The following PCDH9 variants were observed in gnomAD, a reference collection of about 807,000 sequenced individuals.
PCDH9 encodes the protein protocadherin-9.
In PCDH9, 24 loss-of-function variants were observed where a neutral mutation model predicts 70.6. The ratio of observed to expected loss-of-function variants is 0.34; its 90% CI spans 0.25 to 0.48. The LOEUF (loss-of-function observed/expected upper bound fraction) is 0.48, where lower values mean the gene tolerates loss of function less well. Among genes scored for constraint, PCDH9 ranks in the 20% least tolerant of loss-of-function variants. The pLI is 0.99. For missense variants in PCDH9, 1,281 were observed against 1,503.6 expected, an observed-to-expected ratio of 0.85 and a Z score of 2.45; for synonymous variants, 562 against 558.5, an observed-to-expected ratio of 1.01 and a Z score of -0.09.
intron 3 of PCDH9, among the ~76,000 whole-genome samples, chr13:66,853,339 C>G (rs1240737943): frequency 6.6e-6 from 1 of 152,000 alleles, no homozygotes; most frequent in African/African-American, 2.4e-5. Flanking sequence ...CTACTTCACT[C>G]TTTCCAAATT....
In PCDH9 at chr13:66,770,059, C is replaced by T. The variant is rs1273234308; in HGVS notation, c.3138+133445G>A. 2.6e-5 allele frequency among the ~76,000 whole-genome samples: 4 copies of T among 152,116 alleles called. No individual in the cohort carries two copies. The South Asian group carries it at 8.3e-4, about 32-fold the overall frequency. On this transcript the variant is annotated intron_variant, in intron 3 of 4. Transcript: ENST00000377865. Reference sequence around the variant, plus strand: ...TATGGAAGTGGAAAATTGAGAGTCACTTTATTTACACTGGGAAATAGGGTT... The same window carrying T: ...TATGGAAGTGGAAAATTGAGAGTCATTTTATTTACACTGGGAAATAGGGTT...
chr13:66,566,084 T>C (rs1471916156), intron 4 of PCDH9, among the ~76,000 whole-genome samples: 1 of 152,154 alleles, frequency 6.6e-6, no homozygotes, highest in Non-Finnish European at 1.5e-5. Context: ...AGGGTGAAGC[T>C]AGGCCTGAGA....
At position 66,853,744 on chromosome 13, in the gene PCDH9, C is replaced by CT. The variant is rs775967337; in HGVS notation, c.3138+49759dup. ...TAATGACTGATTCATAAATCATTTC[C>CT]TTTTTTTTTTTCAGGAGACAGGGTC... On this transcript the variant is annotated intron_variant, in intron 3 of 4. Coordinates refer to ENST00000377865, the MANE Select transcript of PCDH9 (RefSeq NM_203487.3). 9.0e-3 allele frequency among the ~76,000 whole-genome samples: 1,283 copies of CT among 143,330 alleles called. 14 individuals are homozygous for CT. Among genetic ancestry groups the CT allele is most frequent in the African/African-American group, 0.029 (1,145 of 39,894 alleles). 94.0% of individuals were successfully genotyped at this position (143,330 alleles called of 152,430 possible). A position where few individuals can be genotyped will look rare whatever the true frequency, so the allele number is the denominator to read the frequency against.
intron 2 of PCDH9, among the ~76,000 whole-genome samples, chr13:66,984,018 C>T (rs2083835703): frequency 6.6e-6 from 1 of 151,960 alleles, no homozygotes; most frequent in Non-Finnish European, 1.5e-5. Flanking sequence ...ACTAAACATA[C>T]AAGAAAGAGA....
intron 3 of PCDH9, among the ~76,000 whole-genome samples, chr13:66,782,406 A>G (rs914824390): frequency 1.3e-5 from 2 of 152,136 alleles, no homozygotes; most frequent in African/African-American, 4.8e-5. Flanking sequence ...GGTATCAATC[A>G]TGGTAATCTC....
chr13:66,879,736 A>G (rs2081889866), intron 3 of PCDH9, among the ~76,000 whole-genome samples: 1 of 152,220 alleles, frequency 6.6e-6, no homozygotes, highest in South Asian at 2.1e-4. Flanking sequence ...TATGAAAAAA[A>G]ATGAAAGGAA....
At chr13:66,532,285 T>C (rs905904892) in intron 4 of PCDH9, among the ~76,000 whole-genome samples, 2 of 152,086 alleles carry the variant, frequency 1.3e-5, no homozygotes, top group South Asian at 2.1e-4. Flanking sequence ...ATGATGGGCA[T>C]GAGCCTTGTA....
intron 4 of PCDH9, among the ~76,000 whole-genome samples, chr13:66,573,392 G>C (rs1442954414): frequency 6.6e-6 from 1 of 151,342 alleles, no homozygotes; most frequent in African/African-American, 2.4e-5. Flanking sequence ...TCTTCACTCG[G>C]TTGATTGTTT....
intron 3 of PCDH9, among the ~76,000 whole-genome samples, chr13:66,708,649 A>G (rs1356099705): frequency 6.6e-6 from 1 of 152,212 alleles, no homozygotes; most frequent in Non-Finnish European, 1.5e-5. Flanking sequence ...TTTTCATATC[A>G]GAAACACGCA....
In PCDH9 at chr13:66,664,005, C is replaced by T. The variant is rs562352017; in HGVS notation, c.3139-32594G>A. Among the ~76,000 whole-genome samples the T allele has an allele frequency of 2.3e-3, 357 of 152,304 alleles. 1 individual carries two copies. The highest frequency in any genetic ancestry group is 8.2e-3 in the African/African-American group (340 of 41,544). ...AGCAAGATAAAAAAGGAACTACAGA[C>T]TTTCACCTAGAATTCTGCTAGCAGG... On this transcript the variant is annotated intron_variant, in intron 3 of 4. Transcript: ENST00000377865.
At chr13:66,508,911 T>C (rs1456745170) in intron 4 of PCDH9, among the ~76,000 whole-genome samples, 1 of 152,196 alleles carries the variant, frequency 6.6e-6, no homozygotes, top group East Asian at 1.9e-4. Flanking sequence ...ACCTCCTTCA[T>C]ATATAAATTG....
intron 4 of PCDH9, among the ~76,000 whole-genome samples, chr13:66,461,982 G>A (rs948569836): frequency 1.3e-5 from 2 of 151,686 alleles, no homozygotes; most frequent in African/African-American, 4.8e-5. Context: ...TGTATTTATT[G>A]AGTAATTGTT....
intron 3 of PCDH9, among the ~76,000 whole-genome samples, chr13:66,820,953 C>T (rs2080701146): frequency 6.6e-6 from 1 of 152,060 alleles, no homozygotes; most frequent in Non-Finnish European, 1.5e-5. Flanking sequence ...CAATGTTTAC[C>T]TCTGTAACAA....
chr13:66,997,928 T>C (rs1594369426), intron 2 of PCDH9, among the ~76,000 whole-genome samples: 1 of 152,324 alleles, frequency 6.6e-6, no homozygotes, highest in East Asian at 1.9e-4. Context: ...TGGGCCAGGT[T>C]ACATGAAACA....
At chr13:66,977,884 A>C (rs2083653871) in intron 2 of PCDH9, among the ~76,000 whole-genome samples, 1 of 152,184 alleles carries the variant, frequency 6.6e-6, no homozygotes, top group African/African-American at 2.4e-5. Flanking sequence ...GCTACAAGGC[A>C]ATTAAAGGAA....
chr13:66,426,301 T>C (rs1261381877), intron 4 of PCDH9, among the ~76,000 whole-genome samples: 2 of 151,514 alleles, frequency 1.3e-5, no homozygotes, highest in African/African-American at 2.4e-5. Context: ...GTAGACCCCA[T>C]AGTTCTAATT....
At chr13:67,010,825 C>T (rs2084438764) in intron 2 of PCDH9, among the ~76,000 whole-genome samples, 1 of 151,904 alleles carries the variant, frequency 6.6e-6, no homozygotes, top group South Asian at 2.1e-4. Flanking sequence ...GAGGTAGAAA[C>T]TAGTGGGTAA....
chr13:66,721,217 A>G (rs1285200782), intron 3 of PCDH9, among the ~76,000 whole-genome samples: 1 of 152,198 alleles, frequency 6.6e-6, no homozygotes, highest in African/African-American at 2.4e-5. Context: ...CGTGATAAGG[A>G]AAAACAATGT....
At chr13:66,585,806 T>C (rs1332830042) in intron 4 of PCDH9, among the ~76,000 whole-genome samples, 1 of 152,110 alleles carries the variant, frequency 6.6e-6, no homozygotes, top group Admixed American at 6.6e-5. Flanking sequence ...TGTATTGCGG[T>C]GTGCAGAGGT....
Sources: gnomAD v4.1 joint callset for allele counts (sites outside exome capture counted in the v4.1 genomes callset) on GRCh38, gnomAD v4.1.1 for gene constraint, MANE v1.5 for transcripts, NCBI Gene and HGNC (gene_info 2026-07-23, HGNC 2026-07-21) for gene names.